The following CYP2E1 variants were observed in gnomAD, a reference collection of about 807,000 sequenced individuals.
CYP2E1 encodes the protein cytochrome P450 2E1.
A neutral mutation model predicts 42.9 loss-of-function variants in CYP2E1; 31 were observed. That is an observed-to-expected ratio of 0.72 (90% CI 0.54 to 0.98). The LOEUF (loss-of-function observed/expected upper bound fraction) is 0.98, where lower values mean the gene tolerates loss of function less well. CYP2E1 is among the 50% of genes least tolerant of loss of function. The pLI, the probability that CYP2E1 is intolerant of heterozygous loss-of-function variation, is 0.00. For synonymous variants in CYP2E1, 244 were observed against 248.9 expected, an observed-to-expected ratio of 0.98 and a Z score of 0.19; for missense variants, 565 against 633.2, an observed-to-expected ratio of 0.89 and a Z score of 1.16.
rs775827780 is a variant in CYP2E1, at chr10:133,537,744, C to T, written c.1156-7C>T. The T allele has an allele frequency of 1.2e-6, 2 of 1,610,478 alleles. No individual in the cohort carries two copies. Among genetic ancestry groups the T allele is most frequent in the Non-Finnish European group, 1.7e-6 (2 of 1,178,568 alleles). ...TGACTCACTGAGACAGTCTTTGTTT[C>T]TCCTAGGGCACAGTCGTAGTGCCAA... On this transcript the variant is annotated splice_polypyrimidine_tract_variant and splice_region_variant and intron_variant, in intron 7 of 8. Coordinates refer to ENST00000252945, the MANE Select transcript of CYP2E1 (RefSeq NM_000773.4).
chr10:133,537,215 C>G lies in CYP2E1; in HGVS notation c.1120C>G (p.Arg374Gly), dbSNP rs370530375. 11 of 1,613,892 alleles carry G rather than the reference C, an allele frequency of 6.8e-6. No individual in the cohort carries two copies. The African/African-American group carries it at 1.2e-4, about 18-fold the overall frequency. Residue 374 changes from arginine to glycine, a missense_variant, in exon 7 of 9, where the codon CGA becomes GGA. Coordinates refer to ENST00000252945, the MANE Select transcript of CYP2E1 (RefSeq NM_000773.4). ...CTCCAACCTGCCCCATGAAGCAACC[C>G]GAGACACCATTTTCAGAGGATACCT... ...VPSNLPHEAT[R>G]DTIFRGYLIP... is the part of the protein sequence containing the mutation.
intron 5 of CYP2E1, among the ~76,000 whole-genome samples, chr10:133,533,166 A>G (rs970373883): frequency 6.6e-6 from 1 of 152,152 alleles, no homozygotes; most frequent in African/African-American, 2.4e-5. Flanking sequence ...TCTGAGGAGA[A>G]GCCCTCAGCC....
At chr10:133,537,622 C>T in intron 7 of CYP2E1, 129 bp from the exon 8 acceptor site, 1 of 796,188 alleles carries the variant, frequency 1.3e-6, no homozygotes. Flanking sequence ...CACTAAGCAA[C>T]TCCTTCAACT....
At position 133,531,592 on chromosome 10, in the gene CYP2E1, T is replaced by C; in HGVS notation, c.345T>C (p.Ile115=). Residue 115 remains isoleucine, a synonymous_variant, in exon 3 of 9, where the codon ATT becomes ATC. Transcript: ENST00000252945. Reference sequence around the variant, plus strand: ...CTGGCCCCTCTGCCTTAGGAATCATTTTTAATAATGGACCTACCTGGAAGG... The same window carrying C: ...CTGGCCCCTCTGCCTTAGGAATCATCTTTAATAATGGACCTACCTGGAAGG... ...AFHAHRDRGI[I]FNNGPTWKDI... is the part of the protein sequence containing the mutation. 3 of 1,614,094 alleles carry C rather than the reference T, an allele frequency of 1.9e-6. No homozygotes were observed. Among genetic ancestry groups the C allele is most frequent in the Non-Finnish European group, 2.5e-6 (3 of 1,180,020 alleles).
intron 7 of CYP2E1, 58 bp from the exon 8 acceptor site, chr10:133,537,692 CA>C (rs1407911440): frequency 5.4e-6 from 8 of 1,473,888 alleles, no homozygotes; most frequent in Non-Finnish European, 6.6e-6. Context: ...TGGGGGTTTC[CA>C]GATGAAAGCC....
chr10:133,536,996 A>G, intron 6 of CYP2E1, 67 bp from the exon 7 acceptor site: 2 of 1,465,644 alleles, frequency 1.4e-6, no homozygotes, highest in Non-Finnish European at 1.9e-6. Context: ...AGATGGGTGG[A>G]TGATGGGTGG....
intron 5 of CYP2E1, among the ~76,000 whole-genome samples, chr10:133,533,423 C>A (rs915907): frequency 0.18 from 26,951 of 152,134 alleles, 2,652 homozygotes; most frequent in East Asian, 0.43. Flanking sequence ...TGGCAGCAGA[C>A]ACTAGCCCTG....
chr10:133,531,406 C>T (rs1269345589), intron 2 of CYP2E1, among the ~76,000 whole-genome samples, 179 bp from the exon 3 acceptor site: 1 of 152,146 alleles, frequency 6.6e-6, no homozygotes, highest in Non-Finnish European at 1.5e-5. Context: ...AAAACCTGAC[C>T]AGTGGCCGGT....
chr10:133,533,764 C>A lies in CYP2E1; in HGVS notation c.834C>A (p.His278Gln), dbSNP rs1190104776. The A allele has an allele frequency of 1.9e-6, 3 of 1,613,936 alleles. No homozygotes were observed. In the Admixed American group the frequency reaches 5.0e-5, roughly 27 times the overall value. Residue 278 changes from histidine (H) to glutamine (Q), a missense_variant, in exon 6 of 9, where the codon CAC (histidine) becomes CAA (glutamine). Coordinates refer to ENST00000252945, the MANE Select transcript of CYP2E1 (RefSeq NM_000773.4). ...CLLVEMEKEK[H>Q]SAERLYTMDG... Reference sequence around the variant, plus strand: ...TGTCTCCGGTATCACAGGAAAAGCACAGTGCAGAGCGCTTGTACACAATGG... The same window carrying A: ...TGTCTCCGGTATCACAGGAAAAGCAAAGTGCAGAGCGCTTGTACACAATGG...
At chr10:133,532,385 C>G in intron 4 of CYP2E1, 101 bp downstream of exon 4, 2 of 1,146,950 alleles carry the variant, frequency 1.7e-6, no homozygotes, top group Non-Finnish European at 2.5e-6. Flanking sequence ...CTGCAAAAGC[C>G]AAACAACATA....
chr10:133,528,868 G>A (rs1050959379), intron 2 of CYP2E1, among the ~76,000 whole-genome samples: 1 of 152,256 alleles, frequency 6.6e-6, no homozygotes, highest in Admixed American at 6.5e-5. Context: ...GTGCGGGAGA[G>A]TTTATGGGGA....
rs1851423554 is a variant in CYP2E1 at position 133,537,807 on chromosome 10, T to C, written c.1212T>C (p.Pro404=). ...TTTTGTATGACAACCAAGAATTTCC[T>C]GATCCAGAAAAGTTTAAGCCAGAAC... is the stretch of plus-strand genomic sequence containing the variant. ...DSVLYDNQEF[P]DPEKFKPEHF... The change falls in exon 8 of 9, where the codon CCT becomes CCC. Residue 404 remains proline (P), a synonymous_variant. Transcript: ENST00000252945. 1 of 1,613,884 alleles carries C rather than the reference T, an allele frequency of 6.2e-7. No individual in the cohort carries two copies. The highest frequency in any genetic ancestry group is 8.5e-7 in the Non-Finnish European group (1 of 1,179,818).
intron 3 of CYP2E1, 27 bp from the exon 4 acceptor site, chr10:133,532,097 T>A (rs775164673): frequency 6.2e-7 from 1 of 1,605,944 alleles, no homozygotes; most frequent in East Asian, 2.2e-5. Context: ...CCCCATCTTC[T>A]GGTTGCCCTG....
chr10:133,531,894 AG>A (rs1442298269), intron 3 of CYP2E1, 160 bp downstream of exon 3: 1 of 823,906 alleles, frequency 1.2e-6, no homozygotes, highest in African/African-American at 1.7e-5. Flanking sequence ...TCTAGGTTCC[AG>A]CTACACAGTT....
rs1851436341 is a variant in CYP2E1, at chr10:133,538,661, G to A, written c.1298-119G>A. The A allele has an allele frequency of 9.5e-6, 8 of 841,780 alleles. No homozygotes were observed. In the South Asian group the frequency reaches 1.3e-4, roughly 13 times the overall value. 52.1% of individuals were successfully genotyped at this position (841,780 alleles called of 1,614,324 possible). On this transcript the variant is annotated intron_variant, in intron 8 of 8. Coordinates refer to ENST00000252945, the MANE Select transcript of CYP2E1 (RefSeq NM_000773.4). ...TAATAGGCAGAGAAGGGTGAGTCCT[G>A]CCTTGTGATGGCCGTTTGCCCACAG...
At chr10:133,536,950 G>A (rs931581775) in intron 6 of CYP2E1, 113 bp from the exon 7 acceptor site, 10 of 805,434 alleles carry the variant, frequency 1.2e-5, no homozygotes, top group Admixed American at 6.5e-5. Context: ...GTGGATGGAT[G>A]TGTAGGTGGG....
rs1162573127 is a variant in CYP2E1 at position 133,528,476 on chromosome 10, C to T, written c.178-5C>T. On this transcript the variant is annotated splice_polypyrimidine_tract_variant and splice_region_variant and intron_variant, in intron 1 of 8. Transcript: ENST00000252945. ...GGCCTGACTTCTAGCCACGGGTCTC[C>T]GCAGTTGGCCCAGCGCTTCGGGCCG... is the stretch of plus-strand genomic sequence containing the variant. 1.9e-6 allele frequency: 3 copies of T among 1,612,552 alleles called. No individual in the cohort carries two copies. Among genetic ancestry groups the T allele is most frequent in the Non-Finnish European group, 1.7e-6 (2 of 1,179,666 alleles).
intron 1 of CYP2E1, 81 bp from the exon 2 acceptor site, chr10:133,528,400 C>A: frequency 6.5e-7 from 1 of 1,536,892 alleles, no homozygotes; most frequent in South Asian, 1.2e-5. Flanking sequence ...ACAGCAATAC[C>A]CGCCCGGCAG....
At chr10:133,527,862 C>T (rs1851289021) in intron 1 of CYP2E1, among the ~76,000 whole-genome samples, 1 of 152,230 alleles carries the variant, frequency 6.6e-6, no homozygotes, top group African/African-American at 2.4e-5. Context: ...ACCGGGCTGG[C>T]GGCCAGATGC....
Sources: gnomAD v4.1 joint callset for allele counts (sites outside exome capture counted in the v4.1 genomes callset) on GRCh38, gnomAD v4.1.1 for gene constraint, MANE v1.5 for transcripts, NCBI Gene and HGNC (gene_info 2026-07-23, HGNC 2026-07-21) for gene names.